The following EYS variants were observed in gnomAD, a reference collection of about 807,000 sequenced individuals.
EYS encodes the protein EGF-like photoreceptor maintenance factor.
EYS carries 250 observed loss-of-function variants against 282.1 expected under a neutral mutation model. The observed-to-expected ratio is 0.89, with a 90% CI of 0.80 to 0.98. EYS has a LOEUF of 0.98. EYS is among the 50% of genes least tolerant of loss of function. The pLI is 0.00. For synonymous variants in EYS, 1,355 were observed against 1,282.9 expected, an observed-to-expected ratio of 1.06 and a Z score of -1.20; for missense variants, 4,016 against 3,709.0, an observed-to-expected ratio of 1.08 and a Z score of -2.15.
intron 33 of EYS, among the ~76,000 whole-genome samples, chr6:64,010,275 G>A (rs1376898984): frequency 6.6e-6 from 1 of 152,072 alleles, no homozygotes; most frequent in East Asian, 1.9e-4. Flanking sequence ...CTGGGGATGC[G>A]GTGCTCCTGC....
intron 12 of EYS, among the ~76,000 whole-genome samples, chr6:65,239,972 ATTTT>A (rs5876954): frequency 6.9e-6 from 1 of 144,138 alleles, no homozygotes; most frequent in African/African-American, 2.6e-5. Flanking sequence ...ATATATTTTG[ATTTT>A]TTTTTTTTTT....
intron 11 of EYS, among the ~76,000 whole-genome samples, chr6:65,296,699 T>C (rs1208681313): frequency 6.6e-6 from 1 of 151,850 alleles, no homozygotes; most frequent in Non-Finnish European, 1.5e-5. Flanking sequence ...AATTCATGCA[T>C]TCATTATTTT....
chr6:64,080,705 C>CT (rs1181767811), intron 32 of EYS, among the ~76,000 whole-genome samples: 2 of 151,772 alleles, frequency 1.3e-5, no homozygotes, highest in African/African-American at 4.8e-5. Flanking sequence ...ACATTTAAGT[C>CT]TTTAATCCAT....
chr6:64,117,216 G>C (rs1773414419), intron 31 of EYS, among the ~76,000 whole-genome samples: 1 of 151,822 alleles, frequency 6.6e-6, no homozygotes, highest in Admixed American at 6.6e-5. Context: ...TCTGATCACA[G>C]TGTTATAAAA....
chr6:63,820,598 A>G (rs1425044431), intron 36 of EYS, among the ~76,000 whole-genome samples: 1 of 152,200 alleles, frequency 6.6e-6, no homozygotes, highest in Non-Finnish European at 1.5e-5. Context: ...AGTCTCTAAT[A>G]ATCCCAGGTT....
At chr6:65,173,443 A>G (rs1014577520) in intron 12 of EYS, among the ~76,000 whole-genome samples, 2 of 151,270 alleles carry the variant, frequency 1.3e-5, no homozygotes, top group Admixed American at 1.3e-4. Flanking sequence ...TATTACAAAA[A>G]ATAATATGTA....
At chr6:65,136,559 CAT>C (rs1343027086) in intron 12 of EYS, among the ~76,000 whole-genome samples, 7 of 151,918 alleles carry the variant, frequency 4.6e-5, no homozygotes, top group South Asian at 2.1e-4. Context: ...TATTTACTAA[CAT>C]AACAATTAAA....
In EYS at chr6:64,639,040, A is replaced by C. The variant is rs140927068; in HGVS notation, c.3444-12795T>G. On this transcript the variant is annotated intron_variant, in intron 22 of 42. Coordinates refer to ENST00000503581, the MANE Select transcript of EYS (RefSeq NM_001142800.2). ...CAGTTCTGGAGGCCAGATGTCCAAA[A>C]TCCATGTGTGGGCAGGATGACAGGA... Among the ~76,000 whole-genome samples the C allele has an allele frequency of 5.9e-4, 52 of 88,196 alleles. 19 individuals are homozygous for C. The highest frequency in any genetic ancestry group is 1.6e-3 in the African/African-American group (34 of 21,148). The allele number at this position is 88,196 out of a possible 152,430, so 57.9% of individuals were successfully genotyped here.
At chr6:65,187,912 A>G (rs1765551108) in intron 12 of EYS, among the ~76,000 whole-genome samples, 1 of 151,674 alleles carries the variant, frequency 6.6e-6, no homozygotes, top group Non-Finnish European at 1.5e-5. Context: ...TTGAAACTAA[A>G]CTATGTTCTT....
chr6:65,446,444 CTTTGA>C (rs986100243), intron 5 of EYS, among the ~76,000 whole-genome samples: 2 of 151,732 alleles, frequency 1.3e-5, no homozygotes, highest in African/African-American at 4.8e-5. Context: ...TTTTTAAATG[CTTTGA>C]TTTGAAGAGG....
chr6:65,418,856 G>A (rs1253980572), intron 5 of EYS, among the ~76,000 whole-genome samples: 2 of 151,884 alleles, frequency 1.3e-5, no homozygotes, highest in Non-Finnish European at 2.9e-5. Context: ...AATCTGTCAT[G>A]AATACTAAAA....
At chr6:64,737,700 A>C (rs1434288163) in intron 22 of EYS, among the ~76,000 whole-genome samples, 1 of 152,218 alleles carries the variant, frequency 6.6e-6, no homozygotes, top group Non-Finnish European at 1.5e-5. Context: ...CATCATGCCC[A>C]GTTTCTTATG....
intron 19 of EYS, among the ~76,000 whole-genome samples, chr6:64,865,095 G>C (rs1026424991): frequency 2.0e-5 from 3 of 152,198 alleles, no homozygotes; most frequent in African/African-American, 7.2e-5. Context: ...CAACTTTTCT[G>C]TCTTAGGATA....
intron 11 of EYS, among the ~76,000 whole-genome samples, chr6:65,318,426 T>C (rs1429515871): frequency 6.7e-6 from 1 of 150,152 alleles, no homozygotes; most frequent in Non-Finnish European, 1.5e-5. Flanking sequence ...AACCCTGGTA[T>C]AGTGCGTGTG....
chr6:63,990,771 G>A (rs1373191706), intron 34 of EYS, among the ~76,000 whole-genome samples: 4 of 151,572 alleles, frequency 2.6e-5, no homozygotes, highest in Admixed American at 1.3e-4. Flanking sequence ...TCAGAATGCT[G>A]ATGGGACCTG....
chr6:64,903,969 A>G (rs946957345), intron 16 of EYS, among the ~76,000 whole-genome samples: 4 of 152,358 alleles, frequency 2.6e-5, no homozygotes, highest in African/African-American at 9.6e-5. Context: ...TACAACAAAT[A>G]GAAAACAAAT....
intron 22 of EYS, among the ~76,000 whole-genome samples, chr6:64,643,256 A>G (rs1287513154): frequency 6.6e-6 from 1 of 152,204 alleles, no homozygotes; most frequent in African/African-American, 2.4e-5. Flanking sequence ...CTAAATTTAG[A>G]TATCAGGTCA....
chr6:64,218,480 G>A (rs963603314), intron 31 of EYS, among the ~76,000 whole-genome samples: 5 of 152,108 alleles, frequency 3.3e-5, no homozygotes, highest in Non-Finnish European at 7.4e-5. Flanking sequence ...AGCAGACACA[G>A]TTGGCCTAAT....
intron 31 of EYS, among the ~76,000 whole-genome samples, chr6:64,101,203 A>T (rs972652300): frequency 1.1e-4 from 15 of 141,710 alleles, no homozygotes; most frequent in Non-Finnish European, 1.7e-4. Flanking sequence ...ACATTTTAAT[A>T]GATTTTTTTT....
Sources: allele counts gnomAD v4.1 joint callset (sites outside exome capture counted in the v4.1 genomes callset), GRCh38; gene constraint gnomAD v4.1.1; transcripts MANE v1.5; gene names NCBI Gene and HGNC (gene_info 2026-07-23, HGNC 2026-07-21).